Variants in MAGEC3 observed in about 807,000 individuals in gnomAD.
MAGEC3 encodes MAGE family member C3, also known as melanoma-associated antigen C3.
MAGEC3 carries 34 observed loss-of-function variants against 35.3 expected under a neutral mutation model. The ratio of observed to expected loss-of-function variants is 0.96; its 90% confidence interval spans 0.73 to 1.28. MAGEC3 has a LOEUF of 1.28. MAGEC3 is among the 50% of genes most tolerant of loss of function. MAGEC3 has a pLI of 0.00. For synonymous variants in MAGEC3, 202 were observed against 185.6 expected, an observed-to-expected ratio of 1.09 and a Z score of -0.72; for missense variants, 561 against 483.6, an observed-to-expected ratio of 1.16 and a Z score of -1.50.
At chrX:141,862,518 G>A (rs1239992214) in intron 1 of MAGEC3, among the ~76,000 whole-genome samples, 1 of 112,337 alleles carries the variant, frequency 8.9e-6, no homozygotes, top group East Asian at 2.8e-4. Flanking sequence ...CAACAGCAAA[G>A]ATACAGATTC....
chrX:141,881,458 T>G lies in MAGEC3; in HGVS notation c.571T>G (p.Leu191Val). 8.3e-7 allele frequency: 1 copy of G among 1,210,157 alleles called. No homozygotes were observed. Among genetic ancestry groups the G allele is most frequent in the South Asian group, 1.8e-5 (1 of 56,654 alleles). ...TYTLDEKVDK[L>V]VQFLLLKYQA... ...TACACTGGATGAAAAGGTGGACAAG[T>G]TGGTGCAGTTTCTTCTCCTCAAATA... is the stretch of plus-strand genomic sequence containing the variant. The change falls in exon 4 of 8, where the codon TTG becomes GTG. Residue 191 changes from leucine to valine, a missense_variant. Physicochemically the swap from Leu to Val is conservative, Grantham distance 32. Transcript: ENST00000298296.
At chrX:141,881,375 A>G in intron 3 of MAGEC3, 28 bp from the exon 4 acceptor site, 1 of 1,171,479 alleles carries the variant, frequency 8.5e-7, no homozygotes, top group Non-Finnish European at 1.1e-6. Context: ...AGCAGCCAAT[A>G]AGATGAAGAT....
intron 1 of MAGEC3, among the ~76,000 whole-genome samples, chrX:141,861,636 A>G (rs7058637): frequency 3.6e-5 from 4 of 111,617 alleles, no homozygotes; most frequent in Non-Finnish European, 7.5e-5. Context: ...ATTTACAACC[A>G]TCTGATCTTC....
chrX:141,865,371 C>T, intron 1 of MAGEC3, 100 bp from the exon 2 acceptor site: 1 of 817,662 alleles, frequency 1.2e-6, no homozygotes, highest in Non-Finnish European at 1.6e-6. Flanking sequence ...ATTGCTTTCA[C>T]TCATCAAGGG....
At chrX:141,881,119 T>A (rs2017960086) in intron 3 of MAGEC3, among the ~76,000 whole-genome samples, 1 of 111,657 alleles carries the variant, frequency 9.0e-6, no homozygotes, top group African/African-American at 3.3e-5. Flanking sequence ...TTCCTCTTTC[T>A]ACTTATTATT....
intron 6 of MAGEC3, 112 bp downstream of exon 6, chrX:141,895,671 G>C (rs1011484028): frequency 3.4e-6 from 2 of 581,084 alleles, no homozygotes; most frequent in Non-Finnish European, 4.7e-6. Flanking sequence ...ATCAGCCCTC[G>C]TAGAGCTCCT....
chrX:141,843,303 AGG>A, intron 1 of MAGEC3, among the ~76,000 whole-genome samples: 1 of 111,643 alleles, frequency 9.0e-6, no homozygotes, highest in Admixed American at 9.5e-5. Flanking sequence ...TACAGGAGTA[AGG>A]CCATCAACCT....
intron 4 of MAGEC3, among the ~76,000 whole-genome samples, chrX:141,892,959 T>A (rs1445275434): frequency 8.9e-6 from 1 of 112,537 alleles, no homozygotes; most frequent in Non-Finnish European, 1.9e-5. Flanking sequence ...ATAAAAGATG[T>A]ATATTTAAAT....
chrX:141,889,303 G>A (rs747861863), intron 4 of MAGEC3, among the ~76,000 whole-genome samples: 1 of 111,593 alleles, frequency 9.0e-6, no homozygotes, highest in South Asian at 3.8e-4. Context: ...CAGGATTCGT[G>A]AGTCCAGGAA....
At chrX:141,889,516 T>G (rs1463153482) in intron 4 of MAGEC3, among the ~76,000 whole-genome samples, 1 of 112,102 alleles carries the variant, frequency 8.9e-6, no homozygotes, top group Admixed American at 9.4e-5. Flanking sequence ...CGTCCTACTT[T>G]TAAGCAAACA....
At chrX:141,886,942 A>T (rs2018006794) in intron 4 of MAGEC3, among the ~76,000 whole-genome samples, 1 of 111,881 alleles carries the variant, frequency 8.9e-6, no homozygotes, top group Non-Finnish European at 1.9e-5. Flanking sequence ...AGGGGTGGTG[A>T]TTCCCACCAC....
chrX:141,838,906 T>C, intron 1 of MAGEC3: 2 of 719,252 alleles, frequency 2.8e-6, no homozygotes, highest in Non-Finnish European at 3.3e-6. Context: ...CTCAGTCTGT[T>C]GAGGGCAGGG....
chrX:141,882,605 A>G (rs956190237), intron 4 of MAGEC3, among the ~76,000 whole-genome samples: 3 of 112,405 alleles, frequency 2.7e-5, no homozygotes, highest in Non-Finnish European at 3.7e-5. Flanking sequence ...AATTAAAGAA[A>G]TAGACCTGGC....
intron 4 of MAGEC3, among the ~76,000 whole-genome samples, chrX:141,889,344 C>G (rs1321599399): frequency 2.7e-5 from 3 of 111,577 alleles, no homozygotes; most frequent in Non-Finnish European, 5.7e-5. Flanking sequence ...TCACCATCAC[C>G]CCTAGGGACC....
intron 1 of MAGEC3, among the ~76,000 whole-genome samples, chrX:141,854,637 C>T (rs1382263288): frequency 9.0e-6 from 1 of 111,344 alleles, no homozygotes; most frequent in Admixed American, 9.5e-5. Flanking sequence ...CTCCTCCTTG[C>T]CTTCTTCCAT....
intron 2 of MAGEC3, among the ~76,000 whole-genome samples, chrX:141,868,406 A>G (rs1018370597): frequency 8.9e-6 from 1 of 111,848 alleles, no homozygotes; most frequent in African/African-American, 3.2e-5. Context: ...ATTAGGCCAG[A>G]CTAGAATTTA....
chrX:141,870,063 AAT>A (rs1443335352), intron 2 of MAGEC3, among the ~76,000 whole-genome samples: 1 of 111,443 alleles, frequency 9.0e-6, no homozygotes, highest in Non-Finnish European at 1.9e-5. Context: ...AAGCGTATTA[AAT>A]ATGTTTAAAA....
intron 4 of MAGEC3, chrX:141,894,650 G>A (rs1371988229): frequency 2.1e-6 from 2 of 969,037 alleles, no homozygotes; most frequent in South Asian, 4.0e-5. Context: ...ACACGGGGCA[G>A]CTTCAGTTAA....
At chrX:141,873,929 G>A (rs759570424) in intron 2 of MAGEC3, among the ~76,000 whole-genome samples, 7 of 111,692 alleles carry the variant, frequency 6.3e-5, no homozygotes, top group Admixed American at 9.5e-5. Context: ...TAAAGAAGAA[G>A]ACAGTGGGAA....
Sources: gnomAD v4.1 joint callset for allele counts (sites outside exome capture counted in the v4.1 genomes callset) on GRCh38, gnomAD v4.1.1 for gene constraint, MANE v1.5 for transcripts, NCBI Gene and HGNC (gene_info 2026-07-23, HGNC 2026-07-21) for gene names.